Variants in MYO1E observed in about 807,000 individuals in gnomAD.
MYO1E encodes the protein unconventional myosin-Ie.
In MYO1E, 68 loss-of-function variants were observed where a neutral mutation model predicts 151.1. The ratio of observed to expected loss-of-function variants is 0.45; its 90% CI spans 0.37 to 0.55. MYO1E has a LOEUF of 0.55. MYO1E is among the 20% of genes least tolerant of loss of function. The pLI is 0.00. For synonymous variants in MYO1E, 601 were observed against 501.7 expected, an observed-to-expected ratio of 1.20 and a Z score of -2.64; for missense variants, 1,363 against 1,389.3, an observed-to-expected ratio of 0.98 and a Z score of 0.30.
intron 23 of MYO1E, among the ~76,000 whole-genome samples, chr15:59,162,705 T>C (rs552821509): frequency 6.7e-6 from 1 of 150,356 alleles, no homozygotes; most frequent in Admixed American, 6.6e-5. Context: ...ACACAATACG[T>C]TGGCCACCTA....
intron 2 of MYO1E, among the ~76,000 whole-genome samples, chr15:59,267,480 C>T (rs577077557): frequency 6.6e-6 from 1 of 152,310 alleles, no homozygotes; most frequent in East Asian, 1.9e-4. Flanking sequence ...GAAGCTTTGG[C>T]TCCAGCCCGG....
At chr15:59,197,135 G>A (rs1174624274) in intron 16 of MYO1E, among the ~76,000 whole-genome samples, 1 of 151,870 alleles carries the variant, frequency 6.6e-6, no homozygotes, top group African/African-American at 2.4e-5. Flanking sequence ...TGGGACTACA[G>A]GCGTATGCCA....
intron 1 of MYO1E, among the ~76,000 whole-genome samples, chr15:59,286,004 A>T (rs2080385665): frequency 1.3e-5 from 2 of 152,244 alleles, no homozygotes; most frequent in African/African-American, 4.8e-5. Flanking sequence ...TGAGGCAGGA[A>T]GACTAGCTAG....
At chr15:59,246,947 G>T (rs1373899365) in intron 4 of MYO1E, among the ~76,000 whole-genome samples, 1 of 152,208 alleles carries the variant, frequency 6.6e-6, no homozygotes, top group African/African-American at 2.4e-5. Flanking sequence ...GGTATGCAGA[G>T]AGCATCACGG....
chr15:59,236,539 C>T, intron 5 of MYO1E, 46 bp downstream of exon 5: 2 of 1,503,478 alleles, frequency 1.3e-6, no homozygotes, highest in Non-Finnish European at 1.9e-6. Context: ...GAGCCTCTTA[C>T]ATTTCCCATA....
At chr15:59,346,622 T>C (rs1369401320) in intron 1 of MYO1E, among the ~76,000 whole-genome samples, 4 of 152,098 alleles carry the variant, frequency 2.6e-5, no homozygotes, top group Non-Finnish European at 5.9e-5. Context: ...ATGCCAGTAA[T>C]AAACTTAAGA....
intron 1 of MYO1E, among the ~76,000 whole-genome samples, chr15:59,283,005 C>T (rs1380033318): frequency 9.4e-6 from 1 of 106,538 alleles, no homozygotes; most frequent in African/African-American, 3.5e-5. Flanking sequence ...AAGGGAAAGG[C>T]CTGGGCAGCC....
chr15:59,206,551 T>C (rs1276729453), intron 14 of MYO1E, among the ~76,000 whole-genome samples: 4 of 152,180 alleles, frequency 2.6e-5, no homozygotes, highest in African/African-American at 9.7e-5. Context: ...CCTGGCAGGG[T>C]CACGGTTCAG....
intron 4 of MYO1E, among the ~76,000 whole-genome samples, chr15:59,248,838 C>T (rs1055935186): frequency 2.6e-5 from 4 of 152,132 alleles, no homozygotes; most frequent in Non-Finnish European, 4.4e-5. Flanking sequence ...TACGATCATC[C>T]CTTCGCTCAG....
intron 1 of MYO1E, among the ~76,000 whole-genome samples, 157 bp downstream of exon 1, chr15:59,372,341 G>A (rs561621396): frequency 6.6e-6 from 1 of 152,248 alleles, no homozygotes; most frequent in African/African-American, 2.4e-5. Flanking sequence ...CGGGTTTACG[G>A]AAAGCGGCAG....
At chr15:59,182,080 G>A (rs896682542) in intron 18 of MYO1E, among the ~76,000 whole-genome samples, 1 of 152,220 alleles carries the variant, frequency 6.6e-6, no homozygotes, top group Non-Finnish European at 1.5e-5. Flanking sequence ...CACTGATATA[G>A]TGGGACTTCA....
Position 59,149,052 on chromosome 15 carries a change from GTTTT to G in MYO1E, c.3080+4534_3080+4537del, listed in dbSNP as rs570700878. The stretch of plus-strand genomic sequence containing the variant: ...GTGGATGAACTGTTTTTTTTTTTTT[GTTTT>G]TTTTTTTTTTTTTTTTTTGAGACAG... On this transcript the variant is annotated intron_variant, in intron 26 of 27. Transcript: ENST00000288235. Among the ~76,000 whole-genome samples, 51 of 128,234 alleles carry G rather than the reference GTTTT, an allele frequency of 4.0e-4. 1 individual carries two copies. Among genetic ancestry groups the G allele is most frequent in the African/African-American group, 5.8e-4 (19 of 32,836 alleles). The allele number at this position is 128,234 out of a possible 152,430, so 84.1% of individuals were successfully genotyped here. A position where few individuals can be genotyped will look rare whatever the true frequency, so the allele number is the denominator to read the frequency against.
intron 1 of MYO1E, among the ~76,000 whole-genome samples, chr15:59,361,998 G>A (rs1377447665): frequency 6.6e-6 from 1 of 151,888 alleles, no homozygotes; most frequent in African/African-American, 2.4e-5. Flanking sequence ...CACCACGCCA[G>A]GCTAATTTTT....
intron 13 of MYO1E, chr15:59,209,056 C>CA (rs1278585865): frequency 1.6e-5 from 10 of 637,238 alleles, no homozygotes; most frequent in Non-Finnish European, 2.7e-5. Flanking sequence ...CTCCACTTTC[C>CA]AAAAAGCTGT....
intron 17 of MYO1E, among the ~76,000 whole-genome samples, chr15:59,193,309 A>G (rs558821003): frequency 6.6e-6 from 1 of 152,274 alleles, no homozygotes; most frequent in African/African-American, 2.4e-5. Flanking sequence ...TGTATGATTG[A>G]TTGATTGATT....
At chr15:59,176,699 T>C (rs867785052) in intron 19 of MYO1E, among the ~76,000 whole-genome samples, 1 of 152,174 alleles carries the variant, frequency 6.6e-6, no homozygotes, top group South Asian at 2.1e-4. Context: ...TCAAGTCATC[T>C]TCCCAACTCA....
chr15:59,291,532 G>C (rs773622891), intron 1 of MYO1E, among the ~76,000 whole-genome samples: 22 of 151,560 alleles, frequency 1.5e-4, no homozygotes, highest in Non-Finnish European at 2.7e-4. Flanking sequence ...TAAATTTAGT[G>C]CAGCAAAAAG....
Position 59,236,209 on chromosome 15 carries a change from G to A in MYO1E, c.420+376C>T, listed in dbSNP as rs566363790. ...AATACAAAAATTAGCTGGGCATGGTGGGGCACACCTGTAATCCCAGCTACT... is the reference window on the plus strand; with the variant it reads ...AATACAAAAATTAGCTGGGCATGGTAGGGCACACCTGTAATCCCAGCTACT... On this transcript the variant is annotated intron_variant, in intron 5 of 27. Transcript: ENST00000288235. Among the ~76,000 whole-genome samples the A allele has an allele frequency of 2.0e-3, 310 of 151,996 alleles. 2 individuals are homozygous for A. Among genetic ancestry groups the A allele is most frequent in the African/African-American group, 7.0e-3 (292 of 41,430 alleles).
intron 1 of MYO1E, among the ~76,000 whole-genome samples, chr15:59,323,225 G>A (rs1419614098): frequency 6.7e-6 from 1 of 148,304 alleles, no homozygotes; most frequent in Non-Finnish European, 1.5e-5. Context: ...AACCAAAAAT[G>A]GAAATAAGAT....
Sources: allele counts gnomAD v4.1 joint callset (sites outside exome capture counted in the v4.1 genomes callset), GRCh38; gene constraint gnomAD v4.1.1; transcripts MANE v1.5; gene names NCBI Gene and HGNC (gene_info 2026-07-23, HGNC 2026-07-21).